PDE4D: variants seen among roughly 807,000 people sequenced by gnomAD.
PDE4D encodes the protein 3',5'-cyclic-AMP phosphodiesterase 4D.
In PDE4D, 24 loss-of-function variants were observed where a neutral mutation model predicts 87.4. The ratio of observed to expected loss-of-function variants is 0.27; its 90% CI spans 0.20 to 0.39. PDE4D has a LOEUF of 0.39. Ranked by LOEUF, PDE4D falls within the 10% of genes least tolerant of loss-of-function variation. The probability of loss-of-function intolerance (pLI) is 1.00; values close to 1 mark genes in which losing one functional copy is unlikely to be tolerated. For synonymous variants in PDE4D, 384 were observed against 383.2 expected, an observed-to-expected ratio of 1.00 and a Z score of -0.02; for missense variants, 714 against 1,041.0, an observed-to-expected ratio of 0.69 and a Z score of 4.32.
At chr5:59,309,345 A>T (rs1450090339) in intron 1 of PDE4D, among the ~76,000 whole-genome samples, 2 of 151,978 alleles carry the variant, frequency 1.3e-5, no homozygotes, top group Non-Finnish European at 2.9e-5. Context: ...TACCCCTTGC[A>T]CCTCTGGCTC....
At position 59,165,221 on chromosome 5, in the gene PDE4D, C is replaced by A. The variant is rs112247850; in HGVS notation, c.808+15374G>T. ...TTAGATAATCTTAATAATAGTTAAC[C>A]AGCAATGATCAAGTGCTTACTGTGA... On this transcript the variant is annotated intron_variant, in intron 5 of 14. Transcript: ENST00000340635. Among the ~76,000 whole-genome samples, 436 of 152,270 alleles carry A rather than the reference C, an allele frequency of 2.9e-3. 2 individuals are homozygous for A. The highest frequency in any genetic ancestry group is 1.0e-2 in the African/African-American group (415 of 41,544).
intron 1 of PDE4D, chr5:60,460,187 T>C (rs1746813569): frequency 6.4e-7 from 1 of 1,552,914 alleles, no homozygotes; most frequent in Non-Finnish European, 8.8e-7. Flanking sequence ...ATCAAATCCT[T>C]TCCAGATGAA....
intron 1 of PDE4D, among the ~76,000 whole-genome samples, chr5:60,266,700 T>C (rs904489739): frequency 2.0e-5 from 3 of 152,178 alleles, no homozygotes; most frequent in African/African-American, 7.2e-5. Context: ...ATATACAATC[T>C]AGTCAATAAG....
At chr5:59,770,210 T>C (rs1763299409) in intron 1 of PDE4D, among the ~76,000 whole-genome samples, 2 of 152,216 alleles carry the variant, frequency 1.3e-5, no homozygotes, top group South Asian at 2.1e-4. Flanking sequence ...TGGCAAGGTA[T>C]GTGTGTGCAT....
At chr5:60,125,552 C>G (rs1374321385) in intron 2 of PDE4D, among the ~76,000 whole-genome samples, 1 of 152,074 alleles carries the variant, frequency 6.6e-6, no homozygotes, top group Non-Finnish European at 1.5e-5. Flanking sequence ...CATAGCTGTA[C>G]TCCTGCAGAA....
At chr5:59,109,122 C>A (rs1772172172) in intron 5 of PDE4D, among the ~76,000 whole-genome samples, 1 of 151,694 alleles carries the variant, frequency 6.6e-6, no homozygotes, top group Non-Finnish European at 1.5e-5. Flanking sequence ...AGTTGTGACC[C>A]ACTATATCAG....
chr5:59,533,435 T>C (rs1561142520), intron 1 of PDE4D, among the ~76,000 whole-genome samples: 1 of 152,150 alleles, frequency 6.6e-6, no homozygotes, highest in Admixed American at 6.5e-5. Flanking sequence ...TTCTCCAGGA[T>C]TGATGTAATT....
chr5:60,123,639 C>T (rs148785725), intron 2 of PDE4D, among the ~76,000 whole-genome samples: 61 of 151,910 alleles, frequency 4.0e-4, no homozygotes, highest in African/African-American at 1.4e-3. Flanking sequence ...CAGAGCCAAA[C>T]CGTATCAAAC....
upstream of PDE4D, chr5:60,488,378 A>G (rs1749322036): frequency 6.6e-6 from 1 of 151,922 alleles, no homozygotes; most frequent in South Asian, 2.1e-4. Flanking sequence ...ACGGGACCCG[A>G]GCCGTCCCAG....
At chr5:59,868,317 A>G (rs1461185669) in intron 1 of PDE4D, among the ~76,000 whole-genome samples, 1 of 152,160 alleles carries the variant, frequency 6.6e-6, no homozygotes, top group Non-Finnish European at 1.5e-5. Context: ...GAGAAGAGTG[A>G]CAATGTTTTT....
intron 1 of PDE4D, among the ~76,000 whole-genome samples, chr5:59,800,618 C>A (rs191676810): frequency 6.6e-6 from 1 of 151,946 alleles, no homozygotes; most frequent in African/African-American, 2.4e-5. Flanking sequence ...CCTCCCCACC[C>A]CTACCCCCCT....
intron 5 of PDE4D, among the ~76,000 whole-genome samples, chr5:59,171,819 T>C (rs1163300439): frequency 7.4e-6 from 1 of 134,624 alleles, no homozygotes; most frequent in Non-Finnish European, 1.5e-5. Context: ...TATAATATAA[T>C]TATTTAATAT....
intron 1 of PDE4D, among the ~76,000 whole-genome samples, chr5:60,425,497 T>C (rs1221760850): frequency 6.6e-6 from 1 of 152,192 alleles, no homozygotes; most frequent in African/African-American, 2.4e-5. Context: ...AAGCTGAAAC[T>C]GGATCCCTTC....
intron 1 of PDE4D, among the ~76,000 whole-genome samples, chr5:59,219,884 C>T (rs867014104): frequency 6.6e-6 from 1 of 151,918 alleles, no homozygotes; most frequent in Non-Finnish European, 1.5e-5. Context: ...GGGGTGGAGG[C>T]CATCCAGCAA....
chr5:59,679,016 A>G (rs1748588895), intron 1 of PDE4D, among the ~76,000 whole-genome samples: 1 of 152,166 alleles, frequency 6.6e-6, no homozygotes, highest in Non-Finnish European at 1.5e-5. Flanking sequence ...TTTCTAGTAA[A>G]TTGTCAAATT....
At chr5:59,959,780 C>T (rs1190945917) in intron 3 of PDE4D, among the ~76,000 whole-genome samples, 2 of 151,990 alleles carry the variant, frequency 1.3e-5, no homozygotes, top group African/African-American at 4.8e-5. Flanking sequence ...TGGACACTGG[C>T]CTAGGCAAAG....
chr5:59,208,284 C>T (rs1749280864), intron 2 of PDE4D, among the ~76,000 whole-genome samples: 1 of 152,212 alleles, frequency 6.6e-6, no homozygotes, highest in African/African-American at 2.4e-5. Flanking sequence ...GTTCGAATTG[C>T]AGCAGGCTTG....
chr5:58,976,990 ATTCTC>A (rs1743970588), intron 12 of PDE4D, among the ~76,000 whole-genome samples, 196 bp downstream of exon 12: 2 of 152,198 alleles, frequency 1.3e-5, no homozygotes, highest in Non-Finnish European at 2.9e-5. Flanking sequence ...AGCTGACATT[ATTCTC>A]AAGTCCAAAC....
chr5:59,115,280 C>G (rs924316518), intron 5 of PDE4D, among the ~76,000 whole-genome samples: 3 of 152,172 alleles, frequency 2.0e-5, no homozygotes, highest in African/African-American at 7.2e-5. Flanking sequence ...GTTGTCCAGA[C>G]AGGATGCGCT....
Sources: gnomAD v4.1 joint callset for allele counts (sites outside exome capture counted in the v4.1 genomes callset) on GRCh38, gnomAD v4.1.1 for gene constraint, MANE v1.5 for transcripts, NCBI Gene and HGNC (gene_info 2026-07-23, HGNC 2026-07-21) for gene names.